KCNQ5: variants seen among roughly 807,000 people sequenced by gnomAD.
The protein encoded by KCNQ5 is potassium voltage-gated channel subfamily Q member 5, also known as potassium voltage-gated channel subfamily KQT member 5.
A neutral mutation model predicts 98.2 loss-of-function variants in KCNQ5; 30 were observed. That is an observed-to-expected ratio of 0.31 (90% CI 0.23 to 0.41). The LOEUF (loss-of-function observed/expected upper bound fraction) is 0.41. Among genes scored for constraint, KCNQ5 ranks in the 10% least tolerant of loss-of-function variants. The pLI is 1.00. For missense variants in KCNQ5, 835 were observed against 1,182.5 expected, an observed-to-expected ratio of 0.71 and a Z score of 4.31; for synonymous variants, 458 against 449.4, an observed-to-expected ratio of 1.02 and a Z score of -0.24.
At chr6:73,124,972 TATATATATACAC>T (rs1272222534) in intron 9 of KCNQ5, among the ~76,000 whole-genome samples, 1,889 of 32,114 alleles carry the variant, frequency 0.059, 19 homozygotes, top group Non-Finnish European at 0.072. Context: ...TATATATATA[TATATATATACAC>T]ACACACACAT....
chr6:73,028,784 A>C (rs1441062845), intron 2 of KCNQ5, among the ~76,000 whole-genome samples: 1 of 152,218 alleles, frequency 6.6e-6, no homozygotes, highest in Non-Finnish European at 1.5e-5. Flanking sequence ...AGTTGTGTAC[A>C]GGATGCTTTA....
intron 1 of KCNQ5, among the ~76,000 whole-genome samples, chr6:72,625,592 G>C (rs2098917671): frequency 6.6e-6 from 1 of 152,196 alleles, no homozygotes; most frequent in African/African-American, 2.4e-5. Context: ...ATGTGGTTCT[G>C]AGAAGTTACA....
Position 72,622,277 on chromosome 6 carries a change from G to C in KCNQ5, c.88G>C (p.Gly30Arg). ...SGAAAAAAGGGRLGSGMKDVE... is the reference protein window; with the variant it reads ...SGAAAAAAGGRRLGSGMKDVE... ...CGCAGCGGCGGCGGCGGCGGGCGGG[G>C]GGCGCTTGGGCAGCGGCATGAAGGA... Residue 30 changes from glycine (G) to arginine (R), a missense_variant, in exon 1 of 14, where the codon GGG becomes CGG. Gly to Arg is a moderately radical substitution (Grantham distance 125). Around this residue, in one of 10 missense-constraint regions of KCNQ5, gnomAD observed 80 missense variants for 72.3 expected, o/e 1.11. Transcript: ENST00000370398. The surrounding 1 kb of genome is among the most constrained non-coding windows in gnomAD (Gnocchi z 6.0). 1 of 1,276,654 alleles carries C rather than the reference G, an allele frequency of 7.8e-7. No homozygotes were observed. Among genetic ancestry groups the C allele is most frequent in the Non-Finnish European group, 9.9e-7 (1 of 1,014,532 alleles). The allele number at this position is 1,276,654 out of a possible 1,614,324, so 79.1% of individuals were successfully genotyped here.
chr6:72,818,900 C>T (rs1775627476), intron 1 of KCNQ5, among the ~76,000 whole-genome samples: 1 of 151,456 alleles, frequency 6.6e-6, no homozygotes, highest in Non-Finnish European at 1.5e-5. Flanking sequence ...GCATTGTTTT[C>T]TATTTCACAG....
intron 9 of KCNQ5, among the ~76,000 whole-genome samples, chr6:73,127,537 T>G (rs1236508520): frequency 1.3e-5 from 2 of 152,208 alleles, no homozygotes; most frequent in Non-Finnish European, 2.9e-5. Context: ...GAGCCATGAC[T>G]GTAGAGTGGG....
At chr6:73,027,428 T>C (rs1165714857) in intron 2 of KCNQ5, among the ~76,000 whole-genome samples, 1 of 152,192 alleles carries the variant, frequency 6.6e-6, no homozygotes, top group Admixed American at 6.5e-5. Context: ...TACTTCAATG[T>C]TTGGGAAACA....
chr6:72,729,075 A>G (rs1027242230), intron 1 of KCNQ5, among the ~76,000 whole-genome samples: 1 of 152,104 alleles, frequency 6.6e-6, no homozygotes, highest in Non-Finnish European at 1.5e-5. Context: ...AGATTTTTCC[A>G]TATCAGTGCA....
chr6:72,937,745 G>A (rs980043432), intron 1 of KCNQ5, among the ~76,000 whole-genome samples: 1 of 152,134 alleles, frequency 6.6e-6, no homozygotes, highest in Non-Finnish European at 1.5e-5. Flanking sequence ...TATTATGCAT[G>A]TGTAAACCTC....
intron 5 of KCNQ5, among the ~76,000 whole-genome samples, chr6:73,095,937 T>C (rs1774473088): frequency 6.6e-6 from 1 of 152,188 alleles, no homozygotes; most frequent in South Asian, 2.1e-4. Context: ...TATAGTTGTA[T>C]ACTCATAAGC....
At chr6:73,170,420 CCACACA>C (rs57867720) in intron 11 of KCNQ5, among the ~76,000 whole-genome samples, 13,477 of 140,768 alleles carry the variant, frequency 0.096, 665 homozygotes, top group Non-Finnish European at 0.12. Flanking sequence ...ACCTTTCCCA[CCACACA>C]CACACACACA....
At chr6:73,102,574 G>T (rs923089622) in intron 5 of KCNQ5, among the ~76,000 whole-genome samples, 43 of 152,060 alleles carry the variant, frequency 2.8e-4, no homozygotes, top group African/African-American at 9.6e-4. Context: ...TTTAAAACGG[G>T]CAAAAAATCT....
intron 1 of KCNQ5, among the ~76,000 whole-genome samples, chr6:72,623,957 A>G (rs1382202199): frequency 6.6e-6 from 1 of 152,218 alleles, no homozygotes; most frequent in East Asian, 1.9e-4. Context: ...ATTCAACCAC[A>G]TAGGAGTCAG....
At chr6:73,087,913 G>A (rs1285808807) in intron 5 of KCNQ5, among the ~76,000 whole-genome samples, 2 of 151,958 alleles carry the variant, frequency 1.3e-5, no homozygotes, top group African/African-American at 4.8e-5. Context: ...AAGGTGGCAT[G>A]ACCAGAGCAA....
chr6:72,661,992 G>C (rs113993604), intron 1 of KCNQ5, among the ~76,000 whole-genome samples: 175 of 152,240 alleles, frequency 1.1e-3, no homozygotes, highest in African/African-American at 3.8e-3. Context: ...CAGTGCTCAT[G>C]CTTTCCCATA....
intron 3 of KCNQ5, among the ~76,000 whole-genome samples, chr6:73,050,985 G>A (rs936737071): frequency 1.3e-5 from 2 of 152,126 alleles, no homozygotes; most frequent in Non-Finnish European, 2.9e-5. Flanking sequence ...ACCTAATCAA[G>A]GTCATTTGGG....
chr6:72,906,948 G>A (rs1490483946), intron 1 of KCNQ5, among the ~76,000 whole-genome samples: 1 of 152,076 alleles, frequency 6.6e-6, no homozygotes, highest in Admixed American at 6.5e-5. Context: ...TCTTTCTGAA[G>A]TTTTCTGATT....
chr6:72,876,625 A>G (rs577284856), intron 1 of KCNQ5, among the ~76,000 whole-genome samples: 1 of 152,346 alleles, frequency 6.6e-6, no homozygotes, highest in African/African-American at 2.4e-5. Context: ...AGCAGATAGC[A>G]CAAGTTAAAA....
intron 3 of KCNQ5, among the ~76,000 whole-genome samples, chr6:73,072,653 A>G (rs10498889): frequency 6.6e-6 from 1 of 152,280 alleles, no homozygotes; most frequent in East Asian, 1.9e-4. Flanking sequence ...ATGTGTCTTA[A>G]ATATCATTAT....
chr6:72,733,641 G>A (rs1770667706), intron 1 of KCNQ5, among the ~76,000 whole-genome samples: 1 of 152,202 alleles, frequency 6.6e-6, no homozygotes, highest in Non-Finnish European at 1.5e-5. Flanking sequence ...AGCAGCAAGA[G>A]GAATTTGGAG....
Sources: allele counts gnomAD v4.1 joint callset (sites outside exome capture counted in the v4.1 genomes callset), GRCh38; gene constraint gnomAD v4.1.1; regional missense constraint gnomAD v4.1.1; non-coding constraint Gnocchi (gnomAD v3.1); transcripts MANE v1.5; gene names NCBI Gene and HGNC (gene_info 2026-07-23, HGNC 2026-07-21).